CAMTA1: variants seen among roughly 807,000 people sequenced by gnomAD.
The protein encoded by CAMTA1 is calmodulin-binding transcription activator 1.
A neutral mutation model predicts 170.9 loss-of-function variants in CAMTA1; 27 were observed. The ratio of observed to expected loss-of-function variants is 0.16; its 90% CI spans 0.12 to 0.22. CAMTA1 has a LOEUF of 0.22. Ranked by LOEUF, CAMTA1 falls within the 10% of genes least tolerant of loss-of-function variation. The pLI is 1.00. For synonymous variants in CAMTA1, 833 were observed against 891.5 expected, an observed-to-expected ratio of 0.93 and a Z score of 1.17; for missense variants, 1,619 against 2,217.2, an observed-to-expected ratio of 0.73 and a Z score of 5.42.
At position 7,369,580 on chromosome 1, in the gene CAMTA1, C is replaced by T. The variant is rs138693045; in HGVS notation, c.439-98250C>T. 3.0e-4 allele frequency among the ~76,000 whole-genome samples: 46 copies of T among 151,972 alleles called. 1 individual carries two copies. In the East Asian group the frequency reaches 9.0e-3, roughly 30 times the overall value. ...ACAGGTTCTGGGTGGGGATTCCAGC[C>T]ATCCTCTATGGGTAAGTTGTGGGAC... On this transcript the variant is annotated intron_variant, in intron 5 of 22. Transcript: ENST00000303635.
intron 5 of CAMTA1, among the ~76,000 whole-genome samples, chr1:7,444,076 A>G (rs2092620492): frequency 6.6e-6 from 1 of 152,206 alleles, no homozygotes; most frequent in Non-Finnish European, 1.5e-5. Flanking sequence ...CGCTCAGAGG[A>G]AACCCGCTGG....
chr1:7,082,840 G>A (rs926003140), intron 3 of CAMTA1, among the ~76,000 whole-genome samples: 1 of 152,076 alleles, frequency 6.6e-6, no homozygotes, highest in African/African-American at 2.4e-5. Flanking sequence ...TGGACACATC[G>A]TCCGTGCTGC....
At chr1:7,441,918 G>A (rs2092550890) in intron 5 of CAMTA1, among the ~76,000 whole-genome samples, 1 of 152,202 alleles carries the variant, frequency 6.6e-6, no homozygotes. Flanking sequence ...CGCAGACTCT[G>A]GGTGGAATCA....
At chr1:7,647,806 G>A (rs1249001757) in intron 7 of CAMTA1, among the ~76,000 whole-genome samples, 2 of 152,200 alleles carry the variant, frequency 1.3e-5, no homozygotes, top group South Asian at 2.1e-4. Flanking sequence ...CTAAAAGTCC[G>A]GACGTAGTGG....
intron 5 of CAMTA1, among the ~76,000 whole-genome samples, chr1:7,265,194 C>T (rs1236918505): frequency 6.6e-6 from 1 of 152,174 alleles, no homozygotes; most frequent in Non-Finnish European, 1.5e-5. Context: ...CCATGAGCCA[C>T]ATGTGGTGGT....
intron 22 of CAMTA1, among the ~76,000 whole-genome samples, chr1:7,760,480 G>T (rs1198332427): frequency 6.6e-6 from 1 of 152,224 alleles, no homozygotes; most frequent in East Asian, 1.9e-4. Context: ...GCTCAATTTG[G>T]CATGAGGCAT....
At chr1:7,453,143 G>A (rs2092869198) in intron 5 of CAMTA1, among the ~76,000 whole-genome samples, 1 of 152,262 alleles carries the variant, frequency 6.6e-6, no homozygotes, top group African/African-American at 2.4e-5. Context: ...AGCAGCATCT[G>A]GTGGCAGAAC....
At chr1:7,217,363 C>T (rs1336040303) in intron 4 of CAMTA1, among the ~76,000 whole-genome samples, 1 of 152,150 alleles carries the variant, frequency 6.6e-6, no homozygotes, top group Non-Finnish European at 1.5e-5. Flanking sequence ...TATAAATTAC[C>T]CAGTCTCGGG....
chr1:6,795,302 C>G (rs548247699), intron 1 of CAMTA1, among the ~76,000 whole-genome samples: 28 of 152,204 alleles, frequency 1.8e-4, no homozygotes, highest in African/African-American at 6.3e-4. Flanking sequence ...ATCCTCCTGC[C>G]TCAGCCCCCT....
intron 11 of CAMTA1, among the ~76,000 whole-genome samples, chr1:7,708,818 T>C (rs906030719): frequency 1.3e-5 from 2 of 152,202 alleles, no homozygotes; most frequent in Non-Finnish European, 2.9e-5. Context: ...TTCTAGGAGT[T>C]AAAGTGCTGA....
In CAMTA1 at chr1:6,978,186, ATAACT is replaced by A. The variant is rs1054142717; in HGVS notation, c.235-113114_235-113110del. Reference sequence around the variant, plus strand: ...CATAACAGGGTGGCTAGAGTCAATAATAACTTAATTGTACATTTGAAAATAACAAA... The same window carrying A: ...CATAACAGGGTGGCTAGAGTCAATAATAATTGTACATTTGAAAATAACAAA... On this transcript the variant is annotated intron_variant, in intron 3 of 22. Coordinates refer to ENST00000303635, the MANE Select transcript of CAMTA1 (RefSeq NM_015215.4). Among the ~76,000 whole-genome samples the A allele has an allele frequency of 1.3e-4, 20 of 152,378 alleles. No homozygotes were observed. The South Asian group carries it at 3.7e-3, about 28-fold the overall frequency.
In CAMTA1 at chr1:7,617,425, C is replaced by G. The variant is rs114804362; in HGVS notation, c.511-22975C>G. Reference sequence around the variant, plus strand: ...AGACAACCCTCTGCCTGAAATGGCTCGAGGCAATTCTTCCTGGAACCAAGG... The same window carrying G: ...AGACAACCCTCTGCCTGAAATGGCTGGAGGCAATTCTTCCTGGAACCAAGG... On this transcript the variant is annotated intron_variant, in intron 6 of 22. Transcript: ENST00000303635. Among the ~76,000 whole-genome samples the G allele has an allele frequency of 2.6e-5, 4 of 152,116 alleles. No individual in the cohort carries two copies. The South Asian group carries it at 6.2e-4, about 24-fold the overall frequency.
intron 3 of CAMTA1, among the ~76,000 whole-genome samples, chr1:6,933,954 C>T (rs942911591): frequency 2.6e-5 from 4 of 152,130 alleles, no homozygotes; most frequent in East Asian, 1.9e-4. Context: ...TCTGGCCACT[C>T]GAGGTCCTTT....
chr1:7,632,301 G>A (rs933164803), intron 6 of CAMTA1, among the ~76,000 whole-genome samples: 5 of 152,190 alleles, frequency 3.3e-5, no homozygotes, highest in Non-Finnish European at 5.9e-5. Flanking sequence ...AGGCAGGCCC[G>A]CCCCCCGCGC....
intron 4 of CAMTA1, among the ~76,000 whole-genome samples, chr1:7,110,231 A>G (rs1447073560): frequency 1.3e-5 from 2 of 152,092 alleles, no homozygotes; most frequent in Non-Finnish European, 2.9e-5. Flanking sequence ...TTTCTGGGCC[A>G]TGTAACCCTT....
intron 3 of CAMTA1, among the ~76,000 whole-genome samples, chr1:6,838,800 A>G (rs1282983337): frequency 6.6e-6 from 1 of 152,188 alleles, no homozygotes; most frequent in Non-Finnish European, 1.5e-5. Context: ...TCTGTCACCC[A>G]GGCTGGAGTG....
At chr1:7,569,620 T>TTCA (rs879485501) in intron 6 of CAMTA1, among the ~76,000 whole-genome samples, 1 of 150,636 alleles carries the variant, frequency 6.6e-6, no homozygotes, top group Admixed American at 6.6e-5. Flanking sequence ...CATCACCATC[T>TTCA]TCATCATCAT....
At chr1:7,387,639 TAAC>T (rs1300871078) in intron 5 of CAMTA1, among the ~76,000 whole-genome samples, 1 of 152,170 alleles carries the variant, frequency 6.6e-6, no homozygotes, top group Admixed American at 6.5e-5. Context: ...TAGCGTCAAC[TAAC>T]ACACACAGAG....
intron 3 of CAMTA1, among the ~76,000 whole-genome samples, chr1:6,884,649 A>G (rs989334654): frequency 6.6e-6 from 1 of 152,200 alleles, no homozygotes; most frequent in African/African-American, 2.4e-5. Flanking sequence ...TTACCCTCAA[A>G]AATCCTACAA....
Sources: allele counts gnomAD v4.1 joint callset (sites outside exome capture counted in the v4.1 genomes callset), GRCh38; gene constraint gnomAD v4.1.1; transcripts MANE v1.5; gene names NCBI Gene and HGNC (gene_info 2026-07-23, HGNC 2026-07-21).